PALM3: variants seen among roughly 807,000 people sequenced by gnomAD.
PALM3 encodes paralemmin 3, also known as paralemmin-3.
Under a neutral mutation model 27.9 loss-of-function variants are expected in PALM3, and 20 were observed. The ratio of observed to expected loss-of-function variants is 0.72; its 90% CI spans 0.50 to 1.04. The LOEUF (loss-of-function observed/expected upper bound fraction) is 1.04, where lower values mean the gene tolerates loss of function less well. Ranked by LOEUF, PALM3 falls within the 50% of genes least tolerant of loss-of-function variation. The pLI is 0.00. For missense variants in PALM3, 814 were observed against 869.4 expected (o/e 0.94, Z 0.80); for synonymous variants, 328 against 352.7 (o/e 0.93, Z 0.79).
At chr19:14,058,694 G>A (rs542330335) in intron 2 of PALM3, among the ~76,000 whole-genome samples, 4 of 152,078 alleles carry the variant, frequency 2.6e-5, no homozygotes, top group Non-Finnish European at 5.9e-5. Context: ...GACAGAGATA[G>A]GATCAGAGTG....
At chr19:14,056,196 A>AC (rs1485629570) in intron 5 of PALM3, among the ~76,000 whole-genome samples, 3 of 152,226 alleles carry the variant, frequency 2.0e-5, no homozygotes, top group African/African-American at 7.2e-5. Context: ...GGCGTGAGCC[A>AC]CCATGCCTGG....
chr19:14,059,016 TG>T, intron 2 of PALM3, 98 bp downstream of exon 2: 1 of 1,167,336 alleles, frequency 8.6e-7, no homozygotes. Flanking sequence ...TGGGCGGGGC[TG>T]GAGCTGAGGG....
chr19:14,056,881 G>A (rs1976315026), intron 3 of PALM3, 77 bp from the exon 4 acceptor site: 2 of 1,416,422 alleles, frequency 1.4e-6, no homozygotes, highest in Admixed American at 2.7e-5. Context: ...GACCTCTGCA[G>A]GCTGGGCAGG....
chr19:14,057,606 C>A, intron 2 of PALM3, 175 bp from the exon 3 acceptor site: 1 of 193,758 alleles, frequency 5.2e-6, no homozygotes, highest in East Asian at 1.1e-4. Context: ...GGGGAGGGGG[C>A]TGCGGAGGCG....
At chr19:14,056,553 G>C in intron 4 of PALM3, 40 bp from the exon 5 acceptor site, 1 of 1,547,954 alleles carries the variant, frequency 6.5e-7, no homozygotes, top group South Asian at 1.2e-5. Context: ...GGGCCCCCAG[G>C]CTCCTTGGGC....
rs1249951832 is a variant in PALM3 at position 14,056,723 on chromosome 19, G to T, written c.253C>A (p.Pro85Thr). ...TGAGCCTGGCCCTCGGGTGACTGGG[G>T]GTCCTTCGAGGTGGGGTCTTCGGAT... ...EPSEDPTSKD[P>T]QSPEGQAQAR... The change falls in exon 4 of 7, where the codon CCC becomes ACC. Residue 85 changes from proline (P) to threonine (T), a missense_variant. Pro to Thr is a conservative substitution (Grantham distance 38). Coordinates refer to ENST00000669674, the MANE Select transcript of PALM3 (RefSeq NM_001145028.2). 3 of 1,551,750 alleles carry T rather than the reference G, an allele frequency of 1.9e-6. No individual in the cohort carries two copies. Among genetic ancestry groups the T allele is most frequent in the Non-Finnish European group, 8.7e-7 (1 of 1,146,998 alleles).
At position 14,059,106 on chromosome 19, in the gene PALM3, G is replaced by A. The variant is rs746141529; in HGVS notation, c.90+9C>T. ...GGGGTGCCCAGGGCGCGGGGAGGGC[G>A]TCACTTACAGCGATGACTTCTAGCC... On this transcript the variant is annotated intron_variant, in intron 2 of 6. Transcript: ENST00000669674. 2 of 1,449,224 alleles carry A rather than the reference G, an allele frequency of 1.4e-6. No homozygotes were observed. The highest frequency in any genetic ancestry group is 1.4e-5 in the South Asian group (1 of 70,692). 89.8% of individuals were successfully genotyped at this position (1,449,224 alleles called of 1,614,324 possible). A position where few individuals can be genotyped will look rare whatever the true frequency, so the allele number is the denominator to read the frequency against.
rs1800279614 is a variant in PALM3, at chr19:14,053,917, T to C, written c.1755A>G (p.Pro585=). The C allele has an allele frequency of 2.6e-6, 4 of 1,551,674 alleles. No individual in the cohort carries two copies. In the Admixed American group the frequency reaches 7.8e-5, roughly 30 times the overall value. ...PPLEANTETR[P]EKEGPQPQEK... ...CCTGGGGCTGGGGTCCTTCCTTCTC[T>C]GGCCTTGTCTCCGTGTTAGCCTCAA... Residue 585 remains proline (P), a synonymous_variant, in exon 7 of 7, where the codon CCA becomes CCG. Coordinates refer to ENST00000669674, the MANE Select transcript of PALM3 (RefSeq NM_001145028.2).
chr19:14,053,405 T>A lies in PALM3; in HGVS notation c.*200A>T. The A allele has an allele frequency of 2.0e-6, 1 of 501,824 alleles. No homozygotes were observed. The highest frequency in any genetic ancestry group is 5.8e-5 in the South Asian group (1 of 17,308). The allele number at this position is 501,824 out of a possible 1,614,324, so 31.1% of individuals were successfully genotyped here. ...CATTTTATTTTCAAGTATAAAGGCT[T>A]CATCGCAGAAGGAGGCCAGGGTTAC... On this transcript the variant is annotated 3_prime_UTR_variant, in exon 7 of 7. Transcript: ENST00000669674.
intron 1 of PALM3, among the ~76,000 whole-genome samples, chr19:14,061,650 A>C (rs1599311526): frequency 6.6e-6 from 1 of 152,156 alleles, no homozygotes; most frequent in Non-Finnish European, 1.5e-5. Context: ...CACTCCCTGC[A>C]CCACAGCAGT....
chr19:14,060,744 G>A (rs1976400219), intron 1 of PALM3, among the ~76,000 whole-genome samples: 1 of 152,022 alleles, frequency 6.6e-6, no homozygotes, highest in Admixed American at 6.6e-5. Flanking sequence ...ATGCTGTTTG[G>A]GGCAAGGAAT....
In PALM3 at chr19:14,059,096, C is replaced by T. The variant is rs1178256524; in HGVS notation, c.90+19G>A. ...GGAAAGTTTGGGGGTGCCCAGGGCG[C>T]GGGGAGGGCGTCACTTACAGCGATG... On this transcript the variant is annotated intron_variant, in intron 2 of 6. Transcript: ENST00000669674. 2.1e-6 allele frequency: 3 copies of T among 1,452,294 alleles called. No individual in the cohort carries two copies. Among genetic ancestry groups the T allele is most frequent in the South Asian group, 2.8e-5 (2 of 71,340 alleles). The allele number at this position is 1,452,294 out of a possible 1,614,324, so 90.0% of individuals were successfully genotyped here.
intron 5 of PALM3, 21 bp downstream of exon 5, chr19:14,056,408 C>T (rs921769017): frequency 6.5e-7 from 1 of 1,539,258 alleles, no homozygotes; most frequent in Non-Finnish European, 8.8e-7. Flanking sequence ...TCCCATCCCA[C>T]TCCCCTGATT....
Position 14,053,685 on chromosome 19 carries a change from G to A in PALM3, c.1987C>T (p.Pro663Ser). The A allele has an allele frequency of 6.7e-7, 1 of 1,485,554 alleles. No homozygotes were observed. The highest frequency in any genetic ancestry group is 1.4e-5 in the South Asian group (1 of 71,910). The allele number at this position is 1,485,554 out of a possible 1,614,324, so 92.0% of individuals were successfully genotyped here. Reference sequence around the variant, plus strand: ...CCCTCGGTGGGGGCAGATGGCTCAGGCTGCCGGGCAGGCGCGTAGGTGGGC... The same window carrying A: ...CCCTCGGTGGGGGCAGATGGCTCAGACTGCCGGGCAGGCGCGTAGGTGGGC... ...PVPTYAPARQ[P>S]EPSAPTEGEE... Residue 663 changes from proline to serine, a missense_variant, in exon 7 of 7, where the codon CCT becomes TCT. By Grantham distance (74) the Pro-to-Ser change is moderately conservative. Transcript: ENST00000669674.
rs1187258690 is a variant in PALM3 at position 14,054,187 on chromosome 19, C to T, written c.1485G>A (p.Glu495=). 1.3e-6 allele frequency: 2 copies of T among 1,551,942 alleles called. No homozygotes were observed. Among genetic ancestry groups the T allele is most frequent in the Admixed American group, 3.9e-5 (2 of 50,956 alleles). Residue 495 remains glutamate (E), a synonymous_variant, in exon 7 of 7, where the codon GAG becomes GAA. Coordinates refer to ENST00000669674, the MANE Select transcript of PALM3 (RefSeq NM_001145028.2). The stretch of plus-strand genomic sequence containing the variant: ...CTACTCCCAATGGTTCTTCTACCTC[C>T]TCCTCCTCTGCCCCTCGCTTTTCCT... ...GDEEKRGAEE[E]EVEEPLGVEK...
Position 14,053,579 on chromosome 19 carries a change from T to C in PALM3, c.*26A>G, listed in dbSNP as rs1158319917. On this transcript the variant is annotated 3_prime_UTR_variant, in exon 7 of 7. Transcript: ENST00000669674. ...AGGCCGAGGTAGCTGTGAGAGGAGC[T>C]GGACATGGGGTGGAGGGGCATGGGT... 1 of 1,442,480 alleles carries C rather than the reference T, an allele frequency of 6.9e-7. No homozygotes were observed. Among genetic ancestry groups the C allele is most frequent in the Non-Finnish European group, 9.1e-7 (1 of 1,096,322 alleles). The allele number at this position is 1,442,480 out of a possible 1,614,324, so 89.4% of individuals were successfully genotyped here. A position where few individuals can be genotyped will look rare whatever the true frequency, so the allele number is the denominator to read the frequency against.
rs1178980995 is a variant in PALM3 at position 14,057,642 on chromosome 19, GGGGGCGGGGCGGGGGC to G, written c.91-227_91-212del. 1.3e-4 allele frequency: 33 copies of G among 252,138 alleles called. 1 individual carries two copies. The highest frequency in any genetic ancestry group is 1.9e-4 in the Non-Finnish European group (26 of 133,850). 15.6% of individuals were successfully genotyped at this position (252,138 alleles called of 1,614,324 possible). A position where few individuals can be genotyped will look rare whatever the true frequency, so the allele number is the denominator to read the frequency against. On this transcript the variant is annotated intron_variant, in intron 2 of 6. Coordinates refer to ENST00000669674, the MANE Select transcript of PALM3 (RefSeq NM_001145028.2). ...CTGACTCAGCGGCGGGCGGAGTGGG[GGGGGCGGGGCGGGGGC>G]GGGGCCGGCCGCGCCCGGGATGCTG...
In PALM3 at chr19:14,055,080, C is replaced by T; in HGVS notation, c.592G>A (p.Ala198Thr). The change falls in exon 7 of 7, where the codon GCC (alanine) becomes ACC (threonine). Residue 198 changes from alanine (A) to threonine (T), a missense_variant. Coordinates refer to ENST00000669674, the MANE Select transcript of PALM3 (RefSeq NM_001145028.2). ...ATGGGGCTGGGGCATGGGCCATTGGCTTCTGAGGAGTCTCCTGCTGCCCCG... is the reference window on the plus strand; with the variant it reads ...ATGGGGCTGGGGCATGGGCCATTGGTTTCTGAGGAGTCTCCTGCTGCCCCG... ...VPGAAGDSSEANGPCPSPIPT... is the reference protein window; with the variant it reads ...VPGAAGDSSETNGPCPSPIPT... 3.9e-6 allele frequency: 6 copies of T among 1,551,610 alleles called. No individual in the cohort carries two copies. Among genetic ancestry groups the T allele is most frequent in the Non-Finnish European group, 4.4e-6 (5 of 1,146,974 alleles).
chr19:14,056,867 T>C, intron 3 of PALM3, 63 bp from the exon 4 acceptor site: 1 of 1,459,242 alleles, frequency 6.9e-7, no homozygotes, highest in Non-Finnish European at 9.1e-7. Context: ...TAAAGTCCCC[T>C]CCCGACCTCT....
Sources: allele counts gnomAD v4.1 joint callset (sites outside exome capture counted in the v4.1 genomes callset), GRCh38; gene constraint gnomAD v4.1.1; transcripts MANE v1.5; gene names NCBI Gene and HGNC (gene_info 2026-07-23, HGNC 2026-07-21).